HS2ST1: variants seen among roughly 807,000 people sequenced by gnomAD.
The protein encoded by HS2ST1 is heparan sulfate 2-O-sulfotransferase 1.
In HS2ST1, 18 loss-of-function variants were observed where a neutral mutation model predicts 42.9. The observed-to-expected ratio is 0.42, with a 90% CI of 0.29 to 0.62. The LOEUF (loss-of-function observed/expected upper bound fraction) is 0.62, where lower values mean the gene tolerates loss of function less well. Among genes scored for constraint, HS2ST1 ranks in the 20% least tolerant of loss-of-function variants. The probability of loss-of-function intolerance (pLI) is 0.21; values close to 1 mark genes in which losing one functional copy is unlikely to be tolerated. For missense variants in HS2ST1, 334 were observed against 433.8 expected (o/e 0.77, Z 2.04); for synonymous variants, 146 against 152.9 (o/e 0.95, Z 0.33).
chr1:87,034,681 G>A (rs1386393494), intron 1 of HS2ST1, among the ~76,000 whole-genome samples: 4 of 152,204 alleles, frequency 2.6e-5, no homozygotes, highest in South Asian at 2.1e-4. Flanking sequence ...GTATATGTAC[G>A]AAGCTTTCCC....
intron 1 of HS2ST1, among the ~76,000 whole-genome samples, chr1:87,071,418 A>G (rs970726382): frequency 3.9e-5 from 6 of 152,236 alleles, no homozygotes; most frequent in Non-Finnish European, 8.8e-5. Flanking sequence ...CATGTAGTAT[A>G]AGATAGATGA....
chr1:87,039,842 G>A (rs748039030), intron 1 of HS2ST1, among the ~76,000 whole-genome samples: 10 of 152,134 alleles, frequency 6.6e-5, no homozygotes, highest in Admixed American at 2.0e-4. Context: ...CATAGGAGTC[G>A]CTCAAGAGAT....
intron 1 of HS2ST1, among the ~76,000 whole-genome samples, chr1:87,024,427 G>C (rs1650032176): frequency 6.6e-6 from 1 of 152,006 alleles, no homozygotes; most frequent in Non-Finnish European, 1.5e-5. Context: ...CTTGAACCCA[G>C]GAGGTGGAGG....
chr1:86,963,910 C>T (rs999230259), intron 1 of HS2ST1, among the ~76,000 whole-genome samples: 20 of 151,080 alleles, frequency 1.3e-4, no homozygotes, highest in African/African-American at 4.1e-4. Flanking sequence ...TGCCCCCCAC[C>T]TCCCGGACGG....
rs1570542986 is a variant in HS2ST1, at chr1:87,092,568, A to G, written c.487A>G (p.Ile163Val). 1 of 1,575,316 alleles carries G rather than the reference A, an allele frequency of 6.3e-7. No homozygotes were observed. Among genetic ancestry groups the G allele is most frequent in the Admixed American group, 1.9e-5 (1 of 52,402 alleles). The change falls in exon 4 of 7, where the codon ATA (isoleucine) becomes GTA (valine). Residue 163 changes from isoleucine to valine, a missense_variant. Ile to Val is a conservative substitution (Grantham distance 29). Transcript: ENST00000370550. The stretch of plus-strand genomic sequence containing the variant: ...GAAGAAACCAATTTACATTAATGTC[A>G]TAAGGGATCCTATTGAGAGGCTAGT... The part of the protein sequence containing the change: ...VKKKPIYINV[I>V]RDPIERLVSY...
intron 1 of HS2ST1, among the ~76,000 whole-genome samples, chr1:86,929,282 T>G (rs1557482946): frequency 6.6e-6 from 1 of 151,878 alleles, no homozygotes; most frequent in Non-Finnish European, 1.5e-5. Context: ...CTACATTTTT[T>G]GGTGCTGTAG....
chr1:87,004,931 A>G (rs1316724276), intron 1 of HS2ST1, among the ~76,000 whole-genome samples: 1 of 152,240 alleles, frequency 6.6e-6, no homozygotes, highest in Non-Finnish European at 1.5e-5. Flanking sequence ...ATTTTTAATT[A>G]GGTCATCCTT....
chr1:87,065,159 TG>T (rs1045491258), intron 1 of HS2ST1, among the ~76,000 whole-genome samples: 1 of 152,224 alleles, frequency 6.6e-6, no homozygotes, highest in African/African-American at 2.4e-5. Context: ...GCATCTGTAT[TG>T]CTCACTATTC....
At chr1:86,962,530 C>T (rs1647876861) in intron 1 of HS2ST1, among the ~76,000 whole-genome samples, 1 of 152,122 alleles carries the variant, frequency 6.6e-6, no homozygotes, top group African/African-American at 2.4e-5. Flanking sequence ...TCGAGCCTCC[C>T]CTTGAAGTAG....
At chr1:87,026,817 A>C (rs949461554) in intron 1 of HS2ST1, among the ~76,000 whole-genome samples, 2 of 152,010 alleles carry the variant, frequency 1.3e-5, no homozygotes, top group Admixed American at 6.6e-5. Context: ...TAAATATCAG[A>C]AAACTTGATT....
At chr1:87,047,831 A>G (rs758765445) in intron 1 of HS2ST1, among the ~76,000 whole-genome samples, 2 of 152,172 alleles carry the variant, frequency 1.3e-5, no homozygotes, top group Non-Finnish European at 1.5e-5. Flanking sequence ...TGCCAGTACT[A>G]TACTGTCTGG....
chr1:86,969,761 G>A (rs570796228), intron 1 of HS2ST1, among the ~76,000 whole-genome samples: 17 of 151,762 alleles, frequency 1.1e-4, no homozygotes, highest in African/African-American at 3.9e-4. Flanking sequence ...TTAATTAAGA[G>A]TTGGCTTTTT....
intron 1 of HS2ST1, among the ~76,000 whole-genome samples, chr1:87,003,463 G>A (rs985088452): frequency 1.3e-5 from 2 of 152,138 alleles, no homozygotes; most frequent in Non-Finnish European, 2.9e-5. Context: ...CAGTGCTTAC[G>A]TTACCATTAA....
chr1:86,996,135 AAG>A (rs1649089349), intron 1 of HS2ST1, among the ~76,000 whole-genome samples: 2 of 152,094 alleles, frequency 1.3e-5, no homozygotes, highest in South Asian at 4.2e-4. Context: ...ACGAAATGGA[AAG>A]AGATTTTTAA....
chr1:87,067,815 T>A (rs748819520), intron 1 of HS2ST1, among the ~76,000 whole-genome samples: 14 of 152,216 alleles, frequency 9.2e-5, no homozygotes, highest in Non-Finnish European at 2.1e-4. Flanking sequence ...CACCGCTTAT[T>A]AAATAGGGAA....
intron 1 of HS2ST1, among the ~76,000 whole-genome samples, chr1:86,979,912 A>G (rs1005280566): frequency 6.6e-6 from 1 of 152,176 alleles, no homozygotes; most frequent in African/African-American, 2.4e-5. Flanking sequence ...AAGGTCATGA[A>G]GTATATTCTT....
intron 3 of HS2ST1, among the ~76,000 whole-genome samples, chr1:87,089,269 C>A (rs1651883321): frequency 6.6e-6 from 1 of 152,026 alleles, no homozygotes; most frequent in Admixed American, 6.6e-5. Context: ...GCTGACATGG[C>A]AAGAATGAAA....
chr1:86,917,256 C>T (rs1241825988), intron 1 of HS2ST1, among the ~76,000 whole-genome samples: 1 of 152,184 alleles, frequency 6.6e-6, no homozygotes, highest in African/African-American at 2.4e-5. Flanking sequence ...CGGTGGCTCA[C>T]GCCTGTAATC....
intron 5 of HS2ST1, among the ~76,000 whole-genome samples, chr1:87,102,072 T>A (rs999822352): frequency 3.3e-5 from 5 of 151,946 alleles, no homozygotes; most frequent in Non-Finnish European, 7.4e-5. Context: ...TATTATTATT[T>A]TTGAGACAAA....
Sources: allele counts gnomAD v4.1 joint callset (sites outside exome capture counted in the v4.1 genomes callset), GRCh38; gene constraint gnomAD v4.1.1; transcripts MANE v1.5; gene names NCBI Gene and HGNC (gene_info 2026-07-23, HGNC 2026-07-21).